Variants in PTPRO observed in about 807,000 individuals in gnomAD.
PTPRO encodes the protein protein tyrosine phosphatase receptor type O, also known as receptor-type tyrosine-protein phosphatase O.
PTPRO carries 62 observed loss-of-function variants against 145.2 expected under a neutral mutation model. That is an observed-to-expected ratio of 0.43 (90% CI 0.35 to 0.53). The LOEUF is 0.53. Ranked by LOEUF, PTPRO falls within the 20% of genes least tolerant of loss-of-function variation. The pLI is 0.01. For synonymous variants in PTPRO, 565 were observed against 514.7 expected (o/e 1.10, Z -1.32); for missense variants, 1,345 against 1,482.7 (o/e 0.91, Z 1.53).
chr12:15,576,646 G>T (rs528595766), intron 19 of PTPRO, among the ~76,000 whole-genome samples: 3 of 152,252 alleles, frequency 2.0e-5, no homozygotes, highest in African/African-American at 7.2e-5. Context: ...GCAAAACAAA[G>T]AATCATCACA....
In PTPRO at chr12:15,504,088, A is replaced by T; in HGVS notation, c.1267+19A>T. On this transcript the variant is annotated intron_variant, in intron 6 of 26. Transcript: ENST00000281171. ...TATATCAGTAAGTAACAAAGAGATC[A>T]TTTTACACTTACTGGGGAGCTAGAA... 1.3e-6 allele frequency: 2 copies of T among 1,598,816 alleles called. No homozygotes were observed. Among genetic ancestry groups the T allele is most frequent in the Non-Finnish European group, 8.6e-7 (1 of 1,166,554 alleles).
At chr12:15,385,573 G>C (rs1482388970) in intron 1 of PTPRO, among the ~76,000 whole-genome samples, 1 of 152,102 alleles carries the variant, frequency 6.6e-6, no homozygotes, top group African/African-American at 2.4e-5. Context: ...CCAGCACTTT[G>C]GGAGGCCAAG....
intron 1 of PTPRO, among the ~76,000 whole-genome samples, chr12:15,403,380 C>T (rs1292499809): frequency 2.0e-5 from 3 of 152,096 alleles, no homozygotes; most frequent in Non-Finnish European, 4.4e-5. Context: ...GTCAGGAGTT[C>T]GAGACCAGCC....
At chr12:15,370,512 G>C (rs1302296921) in intron 1 of PTPRO, among the ~76,000 whole-genome samples, 1 of 152,048 alleles carries the variant, frequency 6.6e-6, no homozygotes, top group African/African-American at 2.4e-5. Flanking sequence ...AAGTCTAAAG[G>C]CATAGAATTT....
chr12:15,580,592 C>CA, intron 21 of PTPRO, 105 bp from the exon 22 acceptor site: 1 of 1,431,222 alleles, frequency 7.0e-7, no homozygotes, highest in South Asian at 1.2e-5. Flanking sequence ...GATCCTTTGC[C>CA]AATTTTATCA....
rs541664740 is a variant in PTPRO, at chr12:15,476,017, G to A, written c.76-7957G>A. 2.0e-5 allele frequency among the ~76,000 whole-genome samples: 3 copies of A among 152,276 alleles called. No individual in the cohort carries two copies. In the East Asian group the frequency reaches 5.8e-4, roughly 29 times the overall value. Reference sequence around the variant, plus strand: ...GTAAGGAAAGCAAAAAGATAGAAGAGAAGAAAAGATAAAATTTGCAGAGAG... The same window carrying A: ...GTAAGGAAAGCAAAAAGATAGAAGAAAAGAAAAGATAAAATTTGCAGAGAG... On this transcript the variant is annotated intron_variant, in intron 1 of 26. Coordinates refer to ENST00000281171, the MANE Select transcript of PTPRO (RefSeq NM_030667.3).
At chr12:15,443,500 G>A (rs949958803) in intron 1 of PTPRO, among the ~76,000 whole-genome samples, 1 of 151,914 alleles carries the variant, frequency 6.6e-6, no homozygotes, top group Non-Finnish European at 1.5e-5. Flanking sequence ...ATGACAAGTG[G>A]ACCTAATTAA....
At chr12:15,437,926 T>C (rs942224418) in intron 1 of PTPRO, among the ~76,000 whole-genome samples, 4 of 152,162 alleles carry the variant, frequency 2.6e-5, no homozygotes, top group African/African-American at 9.7e-5. Context: ...AGCAGGGACC[T>C]CAGACCAATG....
intron 10 of PTPRO, among the ~76,000 whole-genome samples, chr12:15,522,536 G>A (rs6488780): frequency 0.43 from 65,098 of 151,716 alleles, 14,437 homozygotes; most frequent in African/African-American, 0.52. Flanking sequence ...GTAAAAACGC[G>A]TGTGTGTGTG....
At chr12:15,387,135 A>C (rs1026311429) in intron 1 of PTPRO, among the ~76,000 whole-genome samples, 5 of 152,156 alleles carry the variant, frequency 3.3e-5, no homozygotes, top group Non-Finnish European at 5.9e-5. Context: ...ATGTGTGCAC[A>C]CGTATCAAGA....
rs555560307 is a variant in PTPRO, at chr12:15,548,400, C to T, written c.2305-694C>T. The stretch of plus-strand genomic sequence containing the variant: ...TAGCTTTCAAAATTTTAAATGTACA[C>T]TTTTTGACTCAGCAGTTCAAAGAAT... On this transcript the variant is annotated intron_variant, in intron 13 of 26. Coordinates refer to ENST00000281171, the MANE Select transcript of PTPRO (RefSeq NM_030667.3). Among the ~76,000 whole-genome samples the T allele has an allele frequency of 2.3e-4, 35 of 152,186 alleles. No individual in the cohort carries two copies. In the South Asian group the frequency reaches 7.1e-3, roughly 31 times the overall value.
chr12:15,557,166 G>C (rs1250722808), intron 15 of PTPRO, among the ~76,000 whole-genome samples: 1 of 151,654 alleles, frequency 6.6e-6, no homozygotes, highest in Non-Finnish European at 1.5e-5. Context: ...TCAGCCTCCC[G>C]AGTAGCTGGG....
intron 1 of PTPRO, among the ~76,000 whole-genome samples, chr12:15,351,481 A>C (rs904662122): frequency 4.6e-5 from 7 of 152,120 alleles, no homozygotes; most frequent in East Asian, 1.9e-4. Context: ...GACAACCAGC[A>C]TATGATATTT....
intron 1 of PTPRO, among the ~76,000 whole-genome samples, chr12:15,353,258 T>C (rs895488681): frequency 1.1e-4 from 16 of 152,066 alleles, no homozygotes; most frequent in African/African-American, 3.9e-4. Flanking sequence ...CTTCAAAAAG[T>C]TCAAGGACAA....
At chr12:15,466,060 A>G (rs1941407930) in intron 1 of PTPRO, among the ~76,000 whole-genome samples, 1 of 152,116 alleles carries the variant, frequency 6.6e-6, no homozygotes, top group Admixed American at 6.6e-5. Flanking sequence ...TATTAACCCC[A>G]TTTTTCAGAT....
At chr12:15,508,798 C>G in intron 7 of PTPRO, 31 bp downstream of exon 7, 3 of 1,604,316 alleles carry the variant, frequency 1.9e-6, no homozygotes, top group Non-Finnish European at 2.6e-6. Context: ...ATGGGCTCGC[C>G]GGTCCTTCCT....
intron 14 of PTPRO, among the ~76,000 whole-genome samples, 194 bp downstream of exon 14, chr12:15,549,420 T>TA (rs1943394315): frequency 6.6e-6 from 1 of 152,146 alleles, no homozygotes; most frequent in Non-Finnish European, 1.5e-5. Context: ...CTTTCATCTG[T>TA]AAAATTGGAA....
In PTPRO at chr12:15,344,670, T is replaced by C. The variant is rs1240035887; in HGVS notation, c.75+21869T>C. Among the ~76,000 whole-genome samples, 2 of 152,248 alleles carry C rather than the reference T, an allele frequency of 1.3e-5. 1 individual carries two copies. Among genetic ancestry groups the C allele is most frequent in the East Asian group, 3.8e-4 (2 of 5,206 alleles). On this transcript the variant is annotated intron_variant, in intron 1 of 26. Coordinates refer to ENST00000281171, the MANE Select transcript of PTPRO (RefSeq NM_030667.3). ...GAAAAAGGGTAAGTTTGTGATTTCA[T>C]GGCTGTTTTCATATGCTGATCTGAA...
intron 19 of PTPRO, among the ~76,000 whole-genome samples, chr12:15,572,264 G>T (rs184598557): frequency 6.6e-6 from 1 of 152,282 alleles, no homozygotes; most frequent in Admixed American, 6.5e-5. Context: ...GATTGAAACT[G>T]CCCAGGCAAA....
Sources: allele counts gnomAD v4.1 joint callset (sites outside exome capture counted in the v4.1 genomes callset), GRCh38; gene constraint gnomAD v4.1.1; transcripts MANE v1.5; gene names NCBI Gene and HGNC (gene_info 2026-07-23, HGNC 2026-07-21).